GABBR2: variants seen among roughly 807,000 people sequenced by gnomAD.
GABBR2 encodes gamma-aminobutyric acid type B receptor subunit 2, also known as G-protein coupled receptor 51.
A neutral mutation model predicts 105.6 loss-of-function variants in GABBR2; 23 were observed. The observed-to-expected ratio is 0.22, with a 90% CI of 0.16 to 0.31. GABBR2 has a LOEUF of 0.31. Among genes scored for constraint, GABBR2 ranks in the 10% least tolerant of loss-of-function variants. The probability of loss-of-function intolerance (pLI) is 1.00; values close to 1 mark genes in which losing one functional copy is unlikely to be tolerated. For missense variants in GABBR2, 734 were observed against 1,245.5 expected (o/e 0.59, Z 6.18); for synonymous variants, 478 against 499.7 (o/e 0.96, Z 0.58).
chr9:98,696,892 G>T (rs1428757817), intron 1 of GABBR2, among the ~76,000 whole-genome samples: 1 of 152,166 alleles, frequency 6.6e-6, no homozygotes, highest in Admixed American at 6.5e-5. Flanking sequence ...GGCTGTATAT[G>T]ACTGAGTGGG....
intron 3 of GABBR2, among the ~76,000 whole-genome samples, chr9:98,502,804 C>G (rs1827430762): frequency 6.6e-6 from 1 of 152,206 alleles, no homozygotes; most frequent in African/African-American, 2.4e-5. Flanking sequence ...TCTCTCATGC[C>G]CAGTCACTGC....
At chr9:98,420,823 A>G (rs1311252193) in intron 7 of GABBR2, among the ~76,000 whole-genome samples, 1 of 152,194 alleles carries the variant, frequency 6.6e-6, no homozygotes, top group African/African-American at 2.4e-5. Flanking sequence ...GGAGGTGGGA[A>G]AGTAGGCAGA....
At chr9:98,534,106 T>C (rs898731525) in intron 3 of GABBR2, among the ~76,000 whole-genome samples, 1 of 152,172 alleles carries the variant, frequency 6.6e-6, no homozygotes, top group Non-Finnish European at 1.5e-5. Context: ...AGATGGCAAC[T>C]TAGCAAGGGG....
chr9:98,693,753 T>C (rs144162704), intron 1 of GABBR2, among the ~76,000 whole-genome samples: 19 of 152,354 alleles, frequency 1.2e-4, no homozygotes, highest in Non-Finnish European at 2.5e-4. Flanking sequence ...GGTGCACATA[T>C]GAAAGCAGCC....
chr9:98,415,894 G>A (rs1215539155), intron 7 of GABBR2, among the ~76,000 whole-genome samples: 1 of 152,178 alleles, frequency 6.6e-6, no homozygotes. Flanking sequence ...AGGAGTCATT[G>A]ATCAGAAAAT....
chr9:98,321,828 A>C (rs1256240876), intron 13 of GABBR2, among the ~76,000 whole-genome samples: 3 of 152,048 alleles, frequency 2.0e-5, no homozygotes, highest in African/African-American at 7.2e-5. Context: ...TGAGAGAGAA[A>C]AGCACCTTGC....
At chr9:98,322,199 C>T (rs1304721191) in intron 13 of GABBR2, among the ~76,000 whole-genome samples, 1 of 152,106 alleles carries the variant, frequency 6.6e-6, no homozygotes, top group African/African-American at 2.4e-5. Flanking sequence ...TAGCCTCTCC[C>T]AGTCTGAATT....
chr9:98,494,766 T>A (rs1588194273), intron 4 of GABBR2, among the ~76,000 whole-genome samples: 2 of 152,236 alleles, frequency 1.3e-5, no homozygotes, highest in Admixed American at 6.5e-5. Flanking sequence ...ATTTCGGCTG[T>A]TATTTTCATT....
chr9:98,654,263 T>G (rs1830150035), intron 1 of GABBR2, among the ~76,000 whole-genome samples: 1 of 152,250 alleles, frequency 6.6e-6, no homozygotes. Context: ...ACTGTTTAAG[T>G]GCCTCAACTT....
At chr9:98,578,207 G>C in intron 1 of GABBR2, 135 bp from the exon 2 acceptor site, 1 of 924,312 alleles carries the variant, frequency 1.1e-6, no homozygotes, top group Non-Finnish European at 1.7e-6. Context: ...GTCTCCTTAA[G>C]CCAGCCCTGA....
At chr9:98,597,619 T>C (rs1408211133) in intron 1 of GABBR2, among the ~76,000 whole-genome samples, 1 of 152,034 alleles carries the variant, frequency 6.6e-6, no homozygotes, top group African/African-American at 2.4e-5. Flanking sequence ...TCTTGGTGGT[T>C]GGAGGGCTCA....
At chr9:98,546,606 T>C (rs961712802) in intron 2 of GABBR2, among the ~76,000 whole-genome samples, 3 of 152,260 alleles carry the variant, frequency 2.0e-5, no homozygotes, top group African/African-American at 7.2e-5. Flanking sequence ...ACCCTTACTG[T>C]ATTTTTGCTT....
intron 1 of GABBR2, among the ~76,000 whole-genome samples, chr9:98,614,698 T>C (rs758279588): frequency 2.0e-5 from 3 of 150,448 alleles, no homozygotes; most frequent in South Asian, 2.1e-4. Flanking sequence ...ATGAGAAACA[T>C]AGAACTAACT....
chr9:98,530,794 T>C (rs1039246663), intron 3 of GABBR2, among the ~76,000 whole-genome samples: 1 of 151,458 alleles, frequency 6.6e-6, no homozygotes, highest in Admixed American at 6.6e-5. Flanking sequence ...AAAAAAAAAA[T>C]AGGGAGACCA....
At chr9:98,384,071 AG>A (rs1036718986) in intron 11 of GABBR2, among the ~76,000 whole-genome samples, 1 of 150,922 alleles carries the variant, frequency 6.6e-6, no homozygotes, top group Non-Finnish European at 1.5e-5. Flanking sequence ...CCAACAAAGG[AG>A]TGGCTTTTGG....
chr9:98,499,416 C>T (rs1485129958), intron 3 of GABBR2, among the ~76,000 whole-genome samples: 3 of 152,248 alleles, frequency 2.0e-5, no homozygotes, highest in African/African-American at 4.8e-5. Flanking sequence ...TGGACAGTTT[C>T]GGAGGCCCGA....
chr9:98,601,373 C>T (rs923396046), intron 1 of GABBR2, among the ~76,000 whole-genome samples: 1 of 152,042 alleles, frequency 6.6e-6, no homozygotes, highest in South Asian at 2.1e-4. Context: ...TGAAATTAGC[C>T]GTGCATGGCG....
chr9:98,567,349 C>T (rs531162910), intron 2 of GABBR2, among the ~76,000 whole-genome samples: 12 of 152,282 alleles, frequency 7.9e-5, no homozygotes, highest in Admixed American at 3.9e-4. Context: ...TGGGAACCAC[C>T]CTGCCCTCGA....
intron 1 of GABBR2, among the ~76,000 whole-genome samples, chr9:98,643,279 A>G (rs967931): frequency 0.24 from 37,268 of 152,194 alleles, 5,402 homozygotes; most frequent in East Asian, 0.53. Flanking sequence ...GAGAGTGCCC[A>G]AGAGCGATGG....
Sources: allele counts gnomAD v4.1 joint callset (sites outside exome capture counted in the v4.1 genomes callset), GRCh38; gene constraint gnomAD v4.1.1; transcripts MANE v1.5; gene names NCBI Gene and HGNC (gene_info 2026-07-23, HGNC 2026-07-21).